The following AFF2 variants were observed in gnomAD, a reference collection of about 807,000 sequenced individuals.
AFF2 encodes ALF transcription elongation factor 2.
A neutral mutation model predicts 76.9 loss-of-function variants in AFF2; 14 were observed. The ratio of observed to expected loss-of-function variants is 0.18; its 90% CI spans 0.12 to 0.28. The LOEUF (loss-of-function observed/expected upper bound fraction) is 0.28, where lower values mean the gene tolerates loss of function less well. AFF2 is among the 10% of genes least tolerant of loss of function. The pLI, the probability that AFF2 is intolerant of heterozygous loss-of-function variation, is 1.00. For synonymous variants in AFF2, 398 were observed against 366.7 expected, an observed-to-expected ratio of 1.09 and a Z score of -0.98; for missense variants, 868 against 1,001.1, an observed-to-expected ratio of 0.87 and a Z score of 1.79.
chrX:148,837,820 T>C (rs2070546830), intron 5 of AFF2, 87 bp downstream of exon 5: 7 of 604,466 alleles, frequency 1.2e-5, no homozygotes, highest in Non-Finnish European at 1.9e-5. Context: ...AAAAATGGCC[T>C]TGGTCTTCTA....
intron 1 of AFF2, among the ~76,000 whole-genome samples, chrX:148,505,841 T>A (rs2052407297): frequency 8.9e-6 from 1 of 111,893 alleles, no homozygotes; most frequent in South Asian, 3.7e-4. Context: ...CTTTTTCTGA[T>A]TGCTGTTGGA....
intron 3 of AFF2, among the ~76,000 whole-genome samples, chrX:148,664,153 A>T (rs1241293835): frequency 4.5e-5 from 5 of 111,194 alleles, no homozygotes; most frequent in African/African-American, 1.6e-4. Flanking sequence ...AGGCTCATCT[A>T]ACAGGCAGAT....
intron 1 of AFF2, among the ~76,000 whole-genome samples, chrX:148,524,097 T>TTC (rs374800530): frequency 0.24 from 18,366 of 77,136 alleles, 2,230 homozygotes; most frequent in Non-Finnish European, 0.27. Flanking sequence ...CTCTCTCTCT[T>TTC]TCTCTCTCTC....
chrX:148,592,487 T>TAAA (rs11357532), intron 1 of AFF2, among the ~76,000 whole-genome samples: 1 of 92,782 alleles, frequency 1.1e-5, no homozygotes, highest in Admixed American at 1.2e-4. Flanking sequence ...AGGCCTGCTA[T>TAAA]AAAAAAAAAA....
intron 3 of AFF2, among the ~76,000 whole-genome samples, chrX:148,665,725 A>C (rs1376123601): frequency 8.9e-6 from 1 of 111,856 alleles, no homozygotes; most frequent in Non-Finnish European, 1.9e-5. Flanking sequence ...TTAAATCTTG[A>C]TGCACTTTTC....
intron 3 of AFF2, among the ~76,000 whole-genome samples, chrX:148,739,218 G>A (rs2055321031): frequency 9.0e-6 from 1 of 111,355 alleles, no homozygotes; most frequent in African/African-American, 3.3e-5. Flanking sequence ...GTGGAGTATT[G>A]AAGTCCCCCA....
At chrX:148,655,770 C>T (rs1274057569) in intron 2 of AFF2, among the ~76,000 whole-genome samples, 1 of 111,412 alleles carries the variant, frequency 9.0e-6, no homozygotes. Flanking sequence ...CATAAGGCTC[C>T]CCAGACCAAG....
At chrX:148,787,102 G>A (rs2069830878) in intron 3 of AFF2, among the ~76,000 whole-genome samples, 1 of 112,424 alleles carries the variant, frequency 8.9e-6, no homozygotes, top group South Asian at 3.6e-4. Context: ...AATGTCTGTA[G>A]GAGTGATTGA....
chrX:148,678,080 C>T (rs782614006), intron 3 of AFF2, among the ~76,000 whole-genome samples: 23 of 112,097 alleles, frequency 2.1e-4, no homozygotes, highest in Non-Finnish European at 3.8e-4. Context: ...CTTGACTTTA[C>T]TTATGCAGTC....
At chrX:148,975,943 C>CAAAAAAAAAAAAAAAAAAA in intron 16 of AFF2, among the ~76,000 whole-genome samples, 3 of 22,715 alleles carry the variant, frequency 1.3e-4, no homozygotes, top group Non-Finnish European at 3.2e-4. Flanking sequence ...GACTCCGTCT[C>CAAAAAAAAAAAAAAAAAAA]AAAAAAAAAA....
intron 3 of AFF2, among the ~76,000 whole-genome samples, chrX:148,784,647 A>G: frequency 8.9e-6 from 1 of 111,925 alleles, no homozygotes; most frequent in Non-Finnish European, 1.9e-5. Context: ...ATTTGGAACA[A>G]GATTTATAAT....
rs782302730 is a variant in AFF2, at chrX:148,954,339, G to C, written c.1557+600G>C. On this transcript the variant is annotated intron_variant, in intron 10 of 20. Coordinates refer to ENST00000370460, the MANE Select transcript of AFF2 (RefSeq NM_002025.4). ...TGCTTCACATCCTCTCTGAGTCCAGGATAGCCGCTCAATTTCCCTGAGCCT... is the reference window on the plus strand; with the variant it reads ...TGCTTCACATCCTCTCTGAGTCCAGCATAGCCGCTCAATTTCCCTGAGCCT... Among the ~76,000 whole-genome samples, 59 of 111,998 alleles carry C rather than the reference G, an allele frequency of 5.3e-4. 1 individual carries two copies. In the Middle Eastern group the frequency reaches 0.023, roughly 44 times the overall value.
intron 3 of AFF2, among the ~76,000 whole-genome samples, chrX:148,767,050 T>C (rs2069528259): frequency 9.0e-6 from 1 of 111,345 alleles, no homozygotes; most frequent in Non-Finnish European, 1.9e-5. Context: ...AGAATGATAC[T>C]TGAAATGCCA....
chrX:148,609,290 GATTA>G (rs1363982134), intron 1 of AFF2, among the ~76,000 whole-genome samples: 2 of 111,777 alleles, frequency 1.8e-5, no homozygotes, highest in Non-Finnish European at 1.9e-5. Context: ...TAAAATCTCT[GATTA>G]ATTTAATATG....
At chrX:148,670,651 A>G (rs1159623850) in intron 3 of AFF2, among the ~76,000 whole-genome samples, 1 of 110,994 alleles carries the variant, frequency 9.0e-6, no homozygotes, top group Non-Finnish European at 1.9e-5. Flanking sequence ...ATCCTAGGAG[A>G]CCTAGGAATT....
intron 1 of AFF2, among the ~76,000 whole-genome samples, chrX:148,561,073 A>C (rs2053107410): frequency 8.9e-6 from 1 of 112,236 alleles, no homozygotes; most frequent in Non-Finnish European, 1.9e-5. Context: ...GATGAAGTCT[A>C]TGTCTTTTGC....
At chrX:148,801,282 T>C (rs2070054932) in intron 3 of AFF2, among the ~76,000 whole-genome samples, 1 of 111,757 alleles carries the variant, frequency 8.9e-6, no homozygotes, top group African/African-American at 3.3e-5. Context: ...CTACTTGGCC[T>C]CCAACTCCCT....
chrX:148,991,288 C>A lies in AFF2; in HGVS notation c.3892C>A (p.Arg1298Ser). 2 of 1,209,821 alleles carry A rather than the reference C, an allele frequency of 1.7e-6. No homozygotes were observed. Among genetic ancestry groups the A allele is most frequent in the Non-Finnish European group, 2.2e-6 (2 of 894,322 alleles). ...CATGACCAATCTTGTCCGCTACGTTCGCCAAGGACTGTGTTGGCTGCGCAT... is the reference window on the plus strand; with the variant it reads ...CATGACCAATCTTGTCCGCTACGTTAGCCAAGGACTGTGTTGGCTGCGCAT... Reference protein sequence around the residue: ...SSMTNLVRYVRQGLCWLRIDA... With the variant: ...SSMTNLVRYVSQGLCWLRIDA... Residue 1298 changes from arginine (R) to serine (S), a missense_variant, in exon 21 of 21, where the codon CGC becomes AGC. Transcript: ENST00000370460.
chrX:148,685,804 G>A (rs1005737312), intron 3 of AFF2, among the ~76,000 whole-genome samples: 7 of 109,958 alleles, frequency 6.4e-5, no homozygotes, highest in Non-Finnish European at 3.8e-5. Flanking sequence ...TAAAATTACC[G>A]GTCTATTTAT....
Sources: allele counts gnomAD v4.1 joint callset (sites outside exome capture counted in the v4.1 genomes callset), GRCh38; gene constraint gnomAD v4.1.1; transcripts MANE v1.5; gene names NCBI Gene and HGNC (gene_info 2026-07-23, HGNC 2026-07-21).